The following TBC1D15 variants were observed in gnomAD, a reference collection of about 807,000 sequenced individuals.
The protein encoded by TBC1D15 is TBC1 domain family member 15.
A neutral mutation model predicts 95.4 loss-of-function variants in TBC1D15; 39 were observed. The ratio of observed to expected loss-of-function variants is 0.41; its 90% CI spans 0.32 to 0.53. TBC1D15 has a LOEUF of 0.53. Among genes scored for constraint, TBC1D15 ranks in the 20% least tolerant of loss-of-function variants. The pLI is 0.29. For missense variants in TBC1D15, 733 were observed against 794.3 expected, an observed-to-expected ratio of 0.92 and a Z score of 0.93; for synonymous variants, 258 against 261.3, an observed-to-expected ratio of 0.99 and a Z score of 0.12.
At position 71,894,803 on chromosome 12, in the gene TBC1D15, A is replaced by G; in HGVS notation, c.775A>G (p.Met259Val). 1 of 1,613,320 alleles carries G rather than the reference A, an allele frequency of 6.2e-7. No homozygotes were observed. The highest frequency in any genetic ancestry group is 1.1e-5 in the South Asian group (1 of 91,054). ...PSTHQRPPSE[M>V]ADFLSDAIPG... Reference sequence around the variant, plus strand: ...TACACATCAACGACCACCTTCAGAAATGGCAGATTTTCTTAGTGATGCTAT... The same window carrying G: ...TACACATCAACGACCACCTTCAGAAGTGGCAGATTTTCTTAGTGATGCTAT... The change falls in exon 7 of 17, where the codon ATG becomes GTG. Residue 259 changes from methionine (M) to valine (V), a missense_variant. Transcript: ENST00000485960.
intron 11 of TBC1D15, among the ~76,000 whole-genome samples, chr12:71,911,227 C>G (rs1478042832): frequency 6.6e-6 from 1 of 151,896 alleles, no homozygotes. Context: ...ATTCCTCAGG[C>G]ATCTAGAACT....
rs1395001835 is a variant in TBC1D15 at position 71,923,087 on chromosome 12, T to C, written c.1908T>C (p.Cys636=). 1 of 1,614,210 alleles carries C rather than the reference T, an allele frequency of 6.2e-7. No homozygotes were observed. Among genetic ancestry groups the C allele is most frequent in the Non-Finnish European group, 8.5e-7 (1 of 1,180,040 alleles). ...GEDENVVMTP[C]PTSAFQSNAL... is the part of the protein sequence containing the mutation. Reference sequence around the variant, plus strand: ...ACGAAAATGTTGTCATGACTCCTTGTCCTACATCTGCATTTCAAAGTAATG... The same window carrying C: ...ACGAAAATGTTGTCATGACTCCTTGCCCTACATCTGCATTTCAAAGTAATG... Residue 636 remains cysteine, a synonymous_variant, in exon 17 of 17, where the codon TGT becomes TGC. Transcript: ENST00000485960.
chr12:71,894,774 C>A lies in TBC1D15; in HGVS notation c.746C>A (p.Pro249His), dbSNP rs757631876. The change falls in exon 7 of 17, where the codon CCC (proline) becomes CAC (histidine). Residue 249 changes from proline to histidine, a missense_variant. Physicochemically the swap from Pro to His is moderately conservative, Grantham distance 77. Coordinates refer to ENST00000485960, the MANE Select transcript of TBC1D15 (RefSeq NM_001146213.3). ...TTTGACAGTTTGAGAGGCAGCGATC[C>A]CTCTACACATCAACGACCACCTTCA... is the stretch of plus-strand genomic sequence containing the variant. ...YIFDSLRGSD[P>H]STHQRPPSEM... The A allele has an allele frequency of 1.2e-6, 2 of 1,613,218 alleles. No homozygotes were observed. Among genetic ancestry groups the A allele is most frequent in the Non-Finnish European group, 1.7e-6 (2 of 1,179,432 alleles).
chr12:71,847,034 A>G (rs1161325121), intron 1 of TBC1D15, among the ~76,000 whole-genome samples: 10 of 152,138 alleles, frequency 6.6e-5, no homozygotes, highest in Non-Finnish European at 1.3e-4. Context: ...TTCTGGGATT[A>G]CAGGTGAGGC....
At chr12:71,878,722 G>A (rs1270622175) in intron 3 of TBC1D15, among the ~76,000 whole-genome samples, 1 of 151,540 alleles carries the variant, frequency 6.6e-6, no homozygotes, top group East Asian at 1.9e-4. Flanking sequence ...TTGCCATGTT[G>A]TCCAGGCTTG....
rs766871929 is a variant in TBC1D15, at chr12:71,872,164, A to G, written c.125A>G (p.Glu42Gly). Reference sequence around the variant, plus strand: ...ATTTCAGGAATATTACGTGTTTTAGAAAAGGTAAGTTTCTAGTAAATGATT... The same window carrying G: ...ATTTCAGGAATATTACGTGTTTTAGGAAAGGTAAGTTTCTAGTAAATGATT... ...GLISGILRVL[E>G]KDAEVIVDWR... The change falls in exon 2 of 17, where the codon GAA becomes GGA. Residue 42 changes from glutamate to glycine, a missense_variant. Coordinates refer to ENST00000485960, the MANE Select transcript of TBC1D15 (RefSeq NM_001146213.3). 14 of 1,547,696 alleles carry G rather than the reference A, an allele frequency of 9.0e-6. No individual in the cohort carries two copies. Among genetic ancestry groups the G allele is most frequent in the Non-Finnish European group, 1.2e-5 (14 of 1,146,952 alleles).
chr12:71,889,839 T>A (rs1369683568), intron 5 of TBC1D15, among the ~76,000 whole-genome samples: 1 of 152,196 alleles, frequency 6.6e-6, no homozygotes, highest in Non-Finnish European at 1.5e-5. Context: ...CCTCTCTTTG[T>A]GTCCATGTGT....
chr12:71,847,630 G>A (rs1230186709), intron 1 of TBC1D15, among the ~76,000 whole-genome samples: 1 of 152,006 alleles, frequency 6.6e-6, no homozygotes, highest in African/African-American at 2.4e-5. Context: ...GGGAGGCAGA[G>A]GTTGCAGTGA....
chr12:71,874,991 A>G (rs1462683660), intron 3 of TBC1D15, among the ~76,000 whole-genome samples: 1 of 151,734 alleles, frequency 6.6e-6, no homozygotes, highest in African/African-American at 2.4e-5. Flanking sequence ...CCCAGGCTGG[A>G]GTGCATGGTG....
chr12:71,844,131 T>G (rs1263174909), intron 1 of TBC1D15, among the ~76,000 whole-genome samples: 1 of 152,218 alleles, frequency 6.6e-6, no homozygotes, highest in African/African-American at 2.4e-5. Context: ...CATCTGCCTT[T>G]CCTCATCCCC....
intron 1 of TBC1D15, among the ~76,000 whole-genome samples, chr12:71,858,964 C>G (rs928467640): frequency 6.6e-6 from 1 of 150,902 alleles, no homozygotes; most frequent in Non-Finnish European, 1.5e-5. Context: ...CATATCCTCA[C>G]CAGCATTTTT....
intron 5 of TBC1D15, among the ~76,000 whole-genome samples, chr12:71,890,459 G>A (rs958279957): frequency 1.3e-5 from 2 of 152,164 alleles, no homozygotes; most frequent in Middle Eastern, 3.4e-3. Context: ...TTTTGATTAA[G>A]TTAAATTGAG....
At chr12:71,919,233 T>G (rs552036754) in intron 14 of TBC1D15, among the ~76,000 whole-genome samples, 11 of 145,742 alleles carry the variant, frequency 7.5e-5, no homozygotes, top group South Asian at 2.2e-4. Context: ...AGAGAAGGGG[T>G]CTTGCTATGT....
chr12:71,861,518 C>T, intron 1 of TBC1D15: 2 of 1,508,096 alleles, frequency 1.3e-6, no homozygotes, highest in Non-Finnish European at 8.9e-7. Flanking sequence ...CTCTAATGAT[C>T]CTTTGTATTT....
At chr12:71,851,001 A>G (rs1306228732) in intron 1 of TBC1D15, among the ~76,000 whole-genome samples, 1 of 151,516 alleles carries the variant, frequency 6.6e-6, no homozygotes, top group Non-Finnish European at 1.5e-5. Flanking sequence ...AAAAAAAAAA[A>G]AAAAAAAGAA....
chr12:71,884,305 G>A (rs976006999), intron 4 of TBC1D15, among the ~76,000 whole-genome samples: 1 of 151,992 alleles, frequency 6.6e-6, no homozygotes, highest in African/African-American at 2.4e-5. Context: ...TATTTTGGGG[G>A]GAGTGGGACA....
chr12:71,897,103 TTCATTTTTATAATTCATTATGAAATTA>T (rs1370405338), intron 9 of TBC1D15: 5 of 184,118 alleles, frequency 2.7e-5, no homozygotes, highest in Non-Finnish European at 5.6e-5. Context: ...TTCATCTTGA[TTCATTTTTATAATTCATTATGAAATTA>T]TAAATGGCTC....
At chr12:71,902,952 G>C (rs138242862) in intron 10 of TBC1D15, among the ~76,000 whole-genome samples, 1 of 152,048 alleles carries the variant, frequency 6.6e-6, no homozygotes, top group African/African-American at 2.4e-5. Flanking sequence ...TCGCTCTGTT[G>C]CCCAGGCTGG....
chr12:71,851,194 G>C (rs889262625), intron 1 of TBC1D15, among the ~76,000 whole-genome samples: 4 of 151,968 alleles, frequency 2.6e-5, no homozygotes, highest in Admixed American at 2.6e-4. Flanking sequence ...GGAAGGGGGA[G>C]GGGGAGGTGC....
Sources: allele counts gnomAD v4.1 joint callset (sites outside exome capture counted in the v4.1 genomes callset), GRCh38; gene constraint gnomAD v4.1.1; transcripts MANE v1.5; gene names NCBI Gene and HGNC (gene_info 2026-07-23, HGNC 2026-07-21).